TMTC2: variants seen among roughly 807,000 people sequenced by gnomAD.
TMTC2 encodes the protein transmembrane O-mannosyltransferase targeting cadherins 2, also known as protein O-mannosyl-transferase TMTC2.
Under a neutral mutation model 82.4 loss-of-function variants are expected in TMTC2, and 43 were observed. The observed-to-expected ratio is 0.52, with a 90% CI of 0.41 to 0.67. TMTC2 has a LOEUF of 0.67. Ranked by LOEUF, TMTC2 falls within the 30% of genes least tolerant of loss-of-function variation. The pLI, the probability that TMTC2 is intolerant of heterozygous loss-of-function variation, is 0.00. For synonymous variants in TMTC2, 408 were observed against 381.9 expected (o/e 1.07, Z -0.80); for missense variants, 919 against 1,012.4 (o/e 0.91, Z 1.25).
intron 10 of TMTC2, among the ~76,000 whole-genome samples, chr12:83,051,958 G>A (rs541230197): frequency 4.2e-4 from 64 of 152,032 alleles, no homozygotes; most frequent in Non-Finnish European, 7.7e-4. Flanking sequence ...GATTTATATC[G>A]TTGTTTAAAA....
chr12:83,055,305 T>C lies in TMTC2; in HGVS notation c.2267+4287T>C, dbSNP rs377256825. ...AATGTGGGATCCTTGTTCTGGCTGA[T>C]TACCAATTGTATTCATAGGGAAGAT... On this transcript the variant is annotated intron_variant, in intron 10 of 11. Transcript: ENST00000321196. Among the ~76,000 whole-genome samples, 14 of 152,140 alleles carry C rather than the reference T, an allele frequency of 9.2e-5. No individual in the cohort carries two copies. The East Asian group carries it at 2.5e-3, about 27-fold the overall frequency.
rs1212027161 is a variant in TMTC2 at position 83,119,119 on chromosome 12, CT to C, written c.2332-13087del. The stretch of plus-strand genomic sequence containing the variant: ...AGAACCAGTGTTCTGTTTCATTTAT[CT>C]TTTGGATTTTTTTGTTTCAATTTCA... On this transcript the variant is annotated intron_variant, in intron 11 of 11. Transcript: ENST00000321196. Among the ~76,000 whole-genome samples the C allele has an allele frequency of 6.6e-5, 10 of 152,078 alleles. No individual in the cohort carries two copies. In the East Asian group the frequency reaches 1.9e-3, roughly 29 times the overall value.
intron 8 of TMTC2, among the ~76,000 whole-genome samples, chr12:83,008,103 T>C (rs1362166294): frequency 6.6e-6 from 1 of 152,204 alleles, no homozygotes; most frequent in Non-Finnish European, 1.5e-5. Context: ...GCAAAAGTAA[T>C]TGCAGATTTG....
intron 7 of TMTC2, among the ~76,000 whole-genome samples, chr12:82,968,416 T>C (rs1440156357): frequency 6.6e-6 from 1 of 152,292 alleles, no homozygotes; most frequent in East Asian, 1.9e-4. Context: ...TGAGTTGAAT[T>C]AACTTTTTTA....
At chr12:82,704,380 C>G (rs1239123651) in intron 1 of TMTC2, among the ~76,000 whole-genome samples, 1 of 152,084 alleles carries the variant, frequency 6.6e-6, no homozygotes, top group African/African-American at 2.4e-5. Flanking sequence ...TAAACTAGAA[C>G]TCAGCCTGAA....
chr12:82,702,823 G>A (rs1592858757), intron 1 of TMTC2, among the ~76,000 whole-genome samples: 1 of 152,094 alleles, frequency 6.6e-6, no homozygotes, highest in African/African-American at 2.4e-5. Flanking sequence ...AGACTAGCCT[G>A]GGCAACACAG....
chr12:82,797,935 A>ATTT (rs72046660), intron 1 of TMTC2, among the ~76,000 whole-genome samples: 10 of 121,806 alleles, frequency 8.2e-5, no homozygotes, highest in East Asian at 2.4e-4. Context: ...AACCACCCTA[A>ATTT]TTTTTTTTTT....
rs1310028262 is a variant in TMTC2, at chr12:82,997,388, ATATATATGTG to A, written c.2070+11350_2070+11359del. Among the ~76,000 whole-genome samples the A allele has an allele frequency of 2.0e-3, 74 of 37,104 alleles. 1 individual carries two copies. Among genetic ancestry groups the A allele is most frequent in the African/African-American group, 6.7e-3 (71 of 10,566 alleles). 24.3% of individuals were successfully genotyped at this position (37,104 alleles called of 152,430 possible). On this transcript the variant is annotated intron_variant, in intron 8 of 11. Transcript: ENST00000321196. ...TATGTGTATATATATATATGTGTAT[ATATATATGTG>A]TATATATATATGTGTATATATATAT...
chr12:83,076,003 T>C (rs1258397349), intron 11 of TMTC2, among the ~76,000 whole-genome samples: 1 of 152,224 alleles, frequency 6.6e-6, no homozygotes, highest in Non-Finnish European at 1.5e-5. Context: ...TCAAATTGTG[T>C]AAGTTTCCAT....
At chr12:82,800,857 A>G (rs1878961967) in intron 1 of TMTC2, among the ~76,000 whole-genome samples, 1 of 152,128 alleles carries the variant, frequency 6.6e-6, no homozygotes, top group South Asian at 2.1e-4. Flanking sequence ...TGTGGCTTAG[A>G]GCTGTCCCTG....
At chr12:83,039,735 G>A (rs1004724150) in intron 9 of TMTC2, among the ~76,000 whole-genome samples, 1 of 152,058 alleles carries the variant, frequency 6.6e-6, no homozygotes, top group Non-Finnish European at 1.5e-5. Flanking sequence ...TTATGTCAAC[G>A]TATAGAATTA....
chr12:82,734,417 C>G (rs1325460059), intron 1 of TMTC2, among the ~76,000 whole-genome samples: 2 of 152,156 alleles, frequency 1.3e-5, no homozygotes, highest in Non-Finnish European at 2.9e-5. Flanking sequence ...AGGCCATGCT[C>G]TGTTATCAGA....
At chr12:82,790,844 A>G (rs969245372) in intron 1 of TMTC2, among the ~76,000 whole-genome samples, 1 of 150,736 alleles carries the variant, frequency 6.6e-6, no homozygotes, top group African/African-American at 2.4e-5. Flanking sequence ...AAAAAAAAAG[A>G]AAGAAAAAGA....
chr12:82,908,586 A>G (rs1874445524), intron 3 of TMTC2, among the ~76,000 whole-genome samples: 1 of 151,832 alleles, frequency 6.6e-6, no homozygotes, highest in African/African-American at 2.4e-5. Flanking sequence ...TTTGTTTTTC[A>G]TCTGTATTTC....
intron 4 of TMTC2, among the ~76,000 whole-genome samples, chr12:82,956,820 G>A (rs1441977571): frequency 6.6e-6 from 1 of 152,112 alleles, no homozygotes; most frequent in Non-Finnish European, 1.5e-5. Flanking sequence ...ATAATGTAAA[G>A]TGTTCAACAA....
Position 83,050,927 on chromosome 12 carries a change from C to T in TMTC2, c.2176C>T (p.Arg726Cys), listed in dbSNP as rs751304651. The T allele has an allele frequency of 2.5e-6, 4 of 1,612,486 alleles. No homozygotes were observed. The highest frequency in any genetic ancestry group is 3.3e-5 in the Admixed American group (2 of 59,836). The stretch of plus-strand genomic sequence containing the variant: ...AGGTCAGTTTCTTCTGGAAGAAGCT[C>T]GTCTCATAGAAGCAGCTGAGATGGC... ...HYGQFLLEEA[R>C]LIEAAEMAKK... Residue 726 changes from arginine (R) to cysteine (C), a missense_variant, in exon 10 of 12, where the codon CGT becomes TGT. Arg to Cys is a radical substitution (Grantham distance 180). Coordinates refer to ENST00000321196, the MANE Select transcript of TMTC2 (RefSeq NM_152588.3).
At chr12:83,013,972 A>G (rs150326007) in intron 8 of TMTC2, among the ~76,000 whole-genome samples, 41 of 152,284 alleles carry the variant, frequency 2.7e-4, no homozygotes, top group African/African-American at 9.1e-4. Context: ...ACATTCTTCT[A>G]AGTGTAACTT....
intron 1 of TMTC2, among the ~76,000 whole-genome samples, chr12:82,696,066 AC>A (rs1872774028): frequency 6.6e-6 from 1 of 152,158 alleles, no homozygotes; most frequent in African/African-American, 2.4e-5. Context: ...CAAATAATTA[AC>A]TATACAACTG....
chr12:83,131,727 CAT>C (rs1287826735), intron 11 of TMTC2, among the ~76,000 whole-genome samples: 1 of 152,058 alleles, frequency 6.6e-6, no homozygotes, highest in East Asian at 1.9e-4. Flanking sequence ...CGTAAAATTT[CAT>C]AGTTTATTTT....
Sources: allele counts gnomAD v4.1 joint callset (sites outside exome capture counted in the v4.1 genomes callset), GRCh38; gene constraint gnomAD v4.1.1; transcripts MANE v1.5; gene names NCBI Gene and HGNC (gene_info 2026-07-23, HGNC 2026-07-21).